Variants in ADCY8 observed in about 807,000 individuals in gnomAD.
The protein encoded by ADCY8 is adenylate cyclase type 8.
A neutral mutation model predicts 119.7 loss-of-function variants in ADCY8; 51 were observed. The observed-to-expected ratio is 0.43, with a 90% CI of 0.34 to 0.54. The LOEUF (loss-of-function observed/expected upper bound fraction) is 0.54, where lower values mean the gene tolerates loss of function less well. Ranked by LOEUF, ADCY8 falls within the 20% of genes least tolerant of loss-of-function variation. The pLI is 0.03. For synonymous variants in ADCY8, 665 were observed against 651.0 expected, an observed-to-expected ratio of 1.02 and a Z score of -0.33; for missense variants, 1,383 against 1,598.8, an observed-to-expected ratio of 0.87 and a Z score of 2.30.
At chr8:130,806,958 CAGCCTTG>C (rs1815980114) in intron 14 of ADCY8, among the ~76,000 whole-genome samples, 1 of 152,180 alleles carries the variant, frequency 6.6e-6, no homozygotes, top group African/African-American at 2.4e-5. Flanking sequence ...CTCCAGTCAA[CAGCCTTG>C]AGTGTGCCAT....
At chr8:130,888,731 G>C (rs2130476218) in intron 7 of ADCY8, among the ~76,000 whole-genome samples, 1 of 152,132 alleles carries the variant, frequency 6.6e-6, no homozygotes, top group East Asian at 1.9e-4. Flanking sequence ...ATTTGAATGG[G>C]CTGGGGGAAG....
At chr8:130,817,130 A>G (rs1363474143) in intron 13 of ADCY8, among the ~76,000 whole-genome samples, 1 of 152,240 alleles carries the variant, frequency 6.6e-6, no homozygotes, top group African/African-American at 2.4e-5. Flanking sequence ...AATTGTATTA[A>G]TATACTTAGA....
At chr8:130,800,653 G>T (rs263237) in intron 14 of ADCY8, 81 bp from the exon 15 acceptor site, 806,958 of 1,468,338 alleles carry the variant, frequency 0.55, 222,298 homozygotes, top group African/African-American at 0.71. Context: ...CACACATGTG[G>T]GTACACACGT....
chr8:131,002,812 GA>G (rs79620532), intron 1 of ADCY8, among the ~76,000 whole-genome samples: 3,311 of 151,922 alleles, frequency 0.022, 172 homozygotes, highest in East Asian at 0.2. Context: ...GTAAGAAGGG[GA>G]AAAAAACAGT....
At chr8:130,829,575 A>T (rs1348966262) in intron 12 of ADCY8, among the ~76,000 whole-genome samples, 1 of 152,198 alleles carries the variant, frequency 6.6e-6, no homozygotes, top group Non-Finnish European at 1.5e-5. Flanking sequence ...GAAGGTCTAA[A>T]CATGTTGTAG....
intron 2 of ADCY8, among the ~76,000 whole-genome samples, chr8:130,973,813 A>G (rs549086073): frequency 2.0e-5 from 3 of 152,344 alleles, no homozygotes; most frequent in Non-Finnish European, 4.4e-5. Context: ...CAGCTACTCA[A>G]TGGAGCAAAA....
At chr8:130,823,918 A>T (rs143161276) in intron 12 of ADCY8, among the ~76,000 whole-genome samples, 93 of 152,338 alleles carry the variant, frequency 6.1e-4, no homozygotes, top group African/African-American at 2.2e-3. Flanking sequence ...TATGAAAATA[A>T]TTTCAAGTAA....
chr8:130,852,278 C>T (rs1817556750), intron 9 of ADCY8, among the ~76,000 whole-genome samples: 1 of 152,066 alleles, frequency 6.6e-6, no homozygotes, highest in African/African-American at 2.4e-5. Context: ...TTTTGACTAG[C>T]AAAGTTTTGA....
chr8:130,990,736 C>G (rs1357317792), intron 1 of ADCY8, 194 bp from the exon 2 acceptor site: 3 of 576,394 alleles, frequency 5.2e-6, no homozygotes, highest in Non-Finnish European at 8.3e-6. Flanking sequence ...GGGCTTCTTT[C>G]ACCACTTTCT....
chr8:130,821,328 A>G lies in ADCY8; in HGVS notation c.2754+14T>C, dbSNP rs983300002. 1 of 1,610,710 alleles carries G rather than the reference A, an allele frequency of 6.2e-7. No homozygotes were observed. Among genetic ancestry groups the G allele is most frequent in the African/African-American group, 1.3e-5 (1 of 74,982 alleles). ...GTCAGGTAACAGAGCAGTCAGAGCGAAATGTTAGATTACCTGCTGTCCATG... is the reference window on the plus strand; with the variant it reads ...GTCAGGTAACAGAGCAGTCAGAGCGGAATGTTAGATTACCTGCTGTCCATG... On this transcript the variant is annotated intron_variant, in intron 13 of 17. Coordinates refer to ENST00000286355, the MANE Select transcript of ADCY8 (RefSeq NM_001115.3).
chr8:131,039,258 C>T (rs1335413316), intron 1 of ADCY8, 116 bp downstream of exon 1: 11 of 1,432,006 alleles, frequency 7.7e-6, no homozygotes, highest in African/African-American at 2.8e-5. Context: ...AGGCACTGTG[C>T]CAGACTGAAG....
rs187388430 is a variant in ADCY8, at chr8:130,957,186, G to C, written c.1111-5188C>G. Among the ~76,000 whole-genome samples, 36 of 152,274 alleles carry C rather than the reference G, an allele frequency of 2.4e-4. 1 individual carries two copies. The East Asian group carries it at 6.8e-3, about 29-fold the overall frequency. On this transcript the variant is annotated intron_variant, in intron 2 of 17. Transcript: ENST00000286355. ...TGGCTTTGACCATAATGCTGATAAT[G>C]ACATGGACAATAAGGTCCTGGCTGA...
At chr8:130,966,757 G>A (rs563878106) in intron 2 of ADCY8, among the ~76,000 whole-genome samples, 36 of 152,246 alleles carry the variant, frequency 2.4e-4, no homozygotes, top group Non-Finnish European at 3.5e-4. Context: ...TACCAGTTGC[G>A]TCCTGTGTGA....
At chr8:130,941,900 T>C (rs180785863) in intron 4 of ADCY8, among the ~76,000 whole-genome samples, 15 of 152,354 alleles carry the variant, frequency 9.8e-5, no homozygotes, top group Admixed American at 2.0e-4. Context: ...ATAAATTATG[T>C]ATAATAAAAT....
At position 130,877,908 on chromosome 8, in the gene ADCY8, C is replaced by A. The variant is rs541976367; in HGVS notation, c.2109+6656G>T. Among the ~76,000 whole-genome samples, 246 of 152,112 alleles carry A rather than the reference C, an allele frequency of 1.6e-3. 1 individual carries two copies. Among genetic ancestry groups the A allele is most frequent in the African/African-American group, 5.3e-3 (220 of 41,488 alleles). Reference sequence around the variant, plus strand: ...ATTAATGACGGTTGGAACCCTGGTACCCTGGGATACAAGACGCATTAAGAT... The same window carrying A: ...ATTAATGACGGTTGGAACCCTGGTAACCTGGGATACAAGACGCATTAAGAT... On this transcript the variant is annotated intron_variant, in intron 8 of 17. Transcript: ENST00000286355.
At position 131,039,964 on chromosome 8, in the gene ADCY8, C is replaced by A. The variant is rs767267842; in HGVS notation, c.370G>T (p.Gly124Trp). 7 of 1,586,426 alleles carry A rather than the reference C, an allele frequency of 4.4e-6. No individual in the cohort carries two copies. Among genetic ancestry groups the A allele is most frequent in the Non-Finnish European group, 6.0e-6 (7 of 1,167,238 alleles). Residue 124 changes from glycine to tryptophan, a missense_variant, in exon 1 of 18, where the codon GGG becomes TGG. By Grantham distance (184) the Gly-to-Trp change is radical. This residue lies in a region of ADCY8 where 455 missense variants were observed against 435.3 expected (regional missense o/e 1.05). Coordinates refer to ENST00000286355, the MANE Select transcript of ADCY8 (RefSeq NM_001115.3). ...GSGSASGSGG[G>W]GDLGFLHLDC... ...AGGTGCAGGAAGCCCAGGTCGCCCCCGCCTCCGCTGCCGCTGGCACTGCCG... is the reference window on the plus strand; with the variant it reads ...AGGTGCAGGAAGCCCAGGTCGCCCCAGCCTCCGCTGCCGCTGGCACTGCCG...
intron 14 of ADCY8, among the ~76,000 whole-genome samples, chr8:130,813,767 A>T (rs1255989101): frequency 6.6e-6 from 1 of 152,170 alleles, no homozygotes; most frequent in Non-Finnish European, 1.5e-5. Flanking sequence ...TTGTGTATAT[A>T]TACATACATA....
chr8:130,882,020 C>T (rs1049846658), intron 8 of ADCY8, among the ~76,000 whole-genome samples: 3 of 151,970 alleles, frequency 2.0e-5, no homozygotes, highest in African/African-American at 7.2e-5. Context: ...GTCCCACTAG[C>T]CCCTCAGCCC....
At chr8:130,833,143 C>T (rs1816889027) in intron 12 of ADCY8, among the ~76,000 whole-genome samples, 1 of 152,118 alleles carries the variant, frequency 6.6e-6, no homozygotes, top group Non-Finnish European at 1.5e-5. Flanking sequence ...TTTTGAGTTT[C>T]TTTGAACCCT....
Sources: gnomAD v4.1 joint callset for allele counts (sites outside exome capture counted in the v4.1 genomes callset) on GRCh38, gnomAD v4.1.1 for gene constraint, gnomAD v4.1.1 regional missense constraint, MANE v1.5 for transcripts, NCBI Gene and HGNC (gene_info 2026-07-23, HGNC 2026-07-21) for gene names.